Variants in MYO1H observed in about 807,000 individuals in gnomAD.
The protein encoded by MYO1H is myosin IH, also known as unconventional myosin-Ih.
Under a neutral mutation model 149.3 loss-of-function variants are expected in MYO1H, and 118 were observed. That is an observed-to-expected ratio of 0.79 (90% CI 0.68 to 0.92). The LOEUF is 0.92. Among genes scored for constraint, MYO1H ranks in the 40% least tolerant of loss-of-function variants. The pLI, the probability that MYO1H is intolerant of heterozygous loss-of-function variation, is 0.00. For missense variants in MYO1H, 1,212 were observed against 1,280.7 expected (o/e 0.95, Z 0.82); for synonymous variants, 447 against 465.2 (o/e 0.96, Z 0.50).
At chr12:109,368,268 G>A (rs1868909588) in intron 1 of MYO1H, among the ~76,000 whole-genome samples, 1 of 152,224 alleles carries the variant, frequency 6.6e-6, no homozygotes. Flanking sequence ...CCAAGCAAGT[G>A]CCTAAAGCAG....
At chr12:109,326,655 G>A in the MYO1H span, among the ~76,000 whole-genome samples, 244 of 151,996 alleles carry the variant, frequency 1.6e-3, 3 homozygotes, top group East Asian at 0.034. Flanking sequence ...CTGAGTAGCC[G>A]GGATTACAGG....
upstream of MYO1H, among the ~76,000 whole-genome samples, chr12:109,346,990 C>T (rs1309772555): frequency 6.6e-6 from 1 of 152,032 alleles, no homozygotes; most frequent in African/African-American, 2.4e-5. Flanking sequence ...CTTGTCAGGG[C>T]TTGTGTTAGG....
chr12:109,363,846 GAAAT>G (rs1868806820), intron 1 of MYO1H, among the ~76,000 whole-genome samples: 1 of 152,074 alleles, frequency 6.6e-6, no homozygotes, highest in Admixed American at 6.6e-5. Context: ...AGACGAAAAA[GAAAT>G]AAAATACTCT....
chr12:109,425,281 CCATGA>C (rs1333922882), intron 17 of MYO1H, among the ~76,000 whole-genome samples: 1 of 152,144 alleles, frequency 6.6e-6, no homozygotes. Flanking sequence ...TTACAATGAG[CCATGA>C]TTATGCCACT....
At chr12:109,363,451 C>T (rs1592780096) in intron 1 of MYO1H, among the ~76,000 whole-genome samples, 1 of 152,282 alleles carries the variant, frequency 6.6e-6, no homozygotes, top group South Asian at 2.1e-4. Context: ...CGGTGGCTCA[C>T]GCCTGTAATC....
intron 1 of MYO1H, among the ~76,000 whole-genome samples, chr12:109,348,763 T>G (rs575072183): frequency 1.3e-5 from 2 of 152,354 alleles, no homozygotes; most frequent in South Asian, 4.1e-4. Flanking sequence ...ATGTGTTCTC[T>G]GTTTAGAAAA....
At chr12:109,432,816 C>T (rs949844344) in intron 19 of MYO1H, 81 bp from the exon 20 acceptor site, 42 of 1,156,156 alleles carry the variant, frequency 3.6e-5, no homozygotes, top group Middle Eastern at 2.2e-4. Context: ...CAGTGCTCAG[C>T]AGGCCTCTGG....
At chr12:109,364,605 G>GA (rs754768684) in intron 1 of MYO1H, among the ~76,000 whole-genome samples, 2 of 152,248 alleles carry the variant, frequency 1.3e-5, no homozygotes, top group East Asian at 3.9e-4. Context: ...TTAAAAGGCA[G>GA]AAAATATTGG....
chr12:109,387,476 T>C (rs1183653412), intron 1 of MYO1H, among the ~76,000 whole-genome samples: 1 of 152,246 alleles, frequency 6.6e-6, no homozygotes, highest in African/African-American at 2.4e-5. Context: ...TCACCCTTCA[T>C]TACCTGCTGA....
At chr12:109,350,750 G>A (rs1416739210) in intron 1 of MYO1H, among the ~76,000 whole-genome samples, 3 of 152,066 alleles carry the variant, frequency 2.0e-5, no homozygotes, top group East Asian at 1.9e-4. Context: ...ATGTTTTCCT[G>A]ACTTTATAAC....
chr12:109,334,025 CT>C, the MYO1H span, among the ~76,000 whole-genome samples: 5 of 150,574 alleles, frequency 3.3e-5, no homozygotes, highest in South Asian at 2.1e-4. Context: ...TATTTGTTTA[CT>C]TTTTTTTTGA....
the MYO1H span, among the ~76,000 whole-genome samples, chr12:109,312,288 C>T: frequency 5.3e-5 from 8 of 152,134 alleles, no homozygotes; most frequent in East Asian, 1.3e-3. Flanking sequence ...TCTCGGCTGA[C>T]TGCAAGCACC....
chr12:109,367,539 G>T (rs1025536005), intron 1 of MYO1H, among the ~76,000 whole-genome samples: 20 of 151,914 alleles, frequency 1.3e-4, no homozygotes, highest in African/African-American at 4.3e-4. Context: ...TATTATTCAT[G>T]TATTTATTTA....
chr12:109,362,487 T>A (rs1194734307), intron 1 of MYO1H, among the ~76,000 whole-genome samples: 2 of 152,202 alleles, frequency 1.3e-5, no homozygotes, highest in Non-Finnish European at 2.9e-5. Flanking sequence ...AAGAGAAAAG[T>A]ATATACATTT....
chr12:109,445,490 T>C (rs774485103), intron 30 of MYO1H, 23 bp from the exon 31 acceptor site: 6 of 1,539,786 alleles, frequency 3.9e-6, no homozygotes, highest in East Asian at 4.5e-5. Flanking sequence ...ATGTCAGTAA[T>C]GTGTCACTTT....
rs1359263760 is a variant in MYO1H at position 109,443,024 on chromosome 12, A to G, written c.2689-490A>G. Among the ~76,000 whole-genome samples the G allele has an allele frequency of 4.4e-3, 450 of 101,216 alleles. 23 individuals are homozygous for G. The highest frequency in any genetic ancestry group is 0.019 in the African/African-American group (434 of 22,500). 66.4% of individuals were successfully genotyped at this position (101,216 alleles called of 152,430 possible). On this transcript the variant is annotated intron_variant, in intron 27 of 31. Coordinates refer to ENST00000310903, the Ensembl canonical transcript of MYO1H. ...AAAAAAAAAAAATATATATATATAT[A>G]TATATGTGTGTGTGTGTGTGTGTAT...
At chr12:109,340,024 A>G in the MYO1H span, among the ~76,000 whole-genome samples, 1 of 152,188 alleles carries the variant, frequency 6.6e-6, no homozygotes, top group Non-Finnish European at 1.5e-5. Context: ...AGCATTGTTT[A>G]TAGTATTAAT....
intron 19 of MYO1H, among the ~76,000 whole-genome samples, chr12:109,432,352 G>A (rs1871666929): frequency 6.6e-6 from 1 of 152,028 alleles, no homozygotes; most frequent in South Asian, 2.1e-4. Context: ...CAAATGCCTG[G>A]CCTCAAGTGA....
At chr12:109,428,080 C>T (rs976035637) in intron 19 of MYO1H, among the ~76,000 whole-genome samples, 9 of 147,438 alleles carry the variant, frequency 6.1e-5, no homozygotes, top group African/African-American at 2.2e-4. Context: ...GAATGAGAAC[C>T]ATCTCAAAAA....
Sources: allele counts gnomAD v4.1 joint callset (sites outside exome capture counted in the v4.1 genomes callset), GRCh38; gene constraint gnomAD v4.1.1; transcripts MANE v1.5; gene names NCBI Gene and HGNC (gene_info 2026-07-23, HGNC 2026-07-21).